The following PDE5A variants were observed in gnomAD, a reference collection of about 807,000 sequenced individuals.
PDE5A encodes the protein phosphodiesterase 5A.
Under a neutral mutation model 110.2 loss-of-function variants are expected in PDE5A, and 67 were observed. That is an observed-to-expected ratio of 0.61 (90% CI 0.50 to 0.75). The LOEUF (loss-of-function observed/expected upper bound fraction) is 0.75, where lower values mean the gene tolerates loss of function less well. Among genes scored for constraint, PDE5A ranks in the 30% least tolerant of loss-of-function variants. PDE5A has a pLI of 0.00. For synonymous variants in PDE5A, 328 were observed against 351.2 expected, an observed-to-expected ratio of 0.93 and a Z score of 0.74; for missense variants, 862 against 1,045.1, an observed-to-expected ratio of 0.82 and a Z score of 2.42.
chr4:119,616,284 T>C (rs913791252), intron 1 of PDE5A, among the ~76,000 whole-genome samples: 2 of 152,136 alleles, frequency 1.3e-5, no homozygotes, highest in African/African-American at 4.8e-5. Context: ...GATATCCTTT[T>C]CCATACGGAG....
intron 11 of PDE5A, among the ~76,000 whole-genome samples, chr4:119,528,404 C>G (rs909514449): frequency 1.3e-5 from 2 of 151,690 alleles, no homozygotes; most frequent in Admixed American, 6.6e-5. Context: ...TTGCAGTGAC[C>G]TTAAAACTAA....
chr4:119,518,976 T>TTTAAC (rs1726014262), intron 14 of PDE5A, 69 bp downstream of exon 14: 2 of 1,114,010 alleles, frequency 1.8e-6, no homozygotes, highest in Non-Finnish European at 2.7e-6. Context: ...TTGCTGTGGC[T>TTTAAC]TTAACTTAAA....
intron 1 of PDE5A, among the ~76,000 whole-genome samples, chr4:119,623,233 C>A (rs1250998547): frequency 6.6e-6 from 1 of 152,146 alleles, no homozygotes; most frequent in Non-Finnish European, 1.5e-5. Context: ...GTAATAGTGG[C>A]CAACTGAATC....
At chr4:119,581,589 T>G (rs868439818) in intron 3 of PDE5A, among the ~76,000 whole-genome samples, 5 of 152,200 alleles carry the variant, frequency 3.3e-5, no homozygotes, top group African/African-American at 1.2e-4. Flanking sequence ...TAATCATGCA[T>G]GAAAGCACAG....
At chr4:119,568,629 G>C (rs1728031842) in intron 3 of PDE5A, among the ~76,000 whole-genome samples, 1 of 152,158 alleles carries the variant, frequency 6.6e-6, no homozygotes, top group South Asian at 2.1e-4. Context: ...GCCATGGATT[G>C]CTAGGAGCAC....
chr4:119,592,487 A>G (rs1019604894), intron 3 of PDE5A, among the ~76,000 whole-genome samples: 35 of 137,038 alleles, frequency 2.6e-4, no homozygotes, highest in Non-Finnish European at 3.3e-4. Flanking sequence ...AAAAAAAAAA[A>G]GCTGTGTTCT....
chr4:119,567,239 G>T, intron 3 of PDE5A, 95 bp from the exon 4 acceptor site: 1 of 896,638 alleles, frequency 1.1e-6, no homozygotes, highest in Non-Finnish European at 1.8e-6. Context: ...TCCTGCATGT[G>T]CTTTAAAATA....
intron 16 of PDE5A, among the ~76,000 whole-genome samples, chr4:119,506,632 C>G (rs1168421974): frequency 6.6e-6 from 1 of 151,678 alleles, no homozygotes; most frequent in Admixed American, 6.6e-5. Flanking sequence ...ACCCATGTGG[C>G]CTGTAAAGCT....
intron 4 of PDE5A, among the ~76,000 whole-genome samples, chr4:119,566,362 G>A (rs928797844): frequency 2.6e-5 from 4 of 152,042 alleles, no homozygotes; most frequent in African/African-American, 4.8e-5. Flanking sequence ...AAACAGCAAT[G>A]GGCTTTGAAT....
intron 15 of PDE5A, among the ~76,000 whole-genome samples, chr4:119,509,451 A>C (rs929926216): frequency 1.3e-5 from 2 of 152,182 alleles, no homozygotes; most frequent in Admixed American, 1.3e-4. Flanking sequence ...GTCCAAAGCG[A>C]GGGAGAGAGC....
intron 11 of PDE5A, among the ~76,000 whole-genome samples, chr4:119,535,297 T>C (rs1239936996): frequency 1.3e-5 from 2 of 152,118 alleles, no homozygotes; most frequent in Non-Finnish European, 2.9e-5. Context: ...ATCCCCTTTC[T>C]ATCTAACCTA....
intron 18 of PDE5A, 42 bp from the exon 19 acceptor site, chr4:119,502,697 A>ATATGCTTT: frequency 7.8e-7 from 1 of 1,281,020 alleles, no homozygotes; most frequent in South Asian, 1.2e-5. Context: ...TGAAAAGCAT[A>ATATGCTTT]TCATTCTTTA....
intron 9 of PDE5A, chr4:119,551,929 A>T (rs2110495736): frequency 6.6e-6 from 1 of 152,290 alleles, no homozygotes; most frequent in Non-Finnish European, 1.5e-5. Context: ...TTTTCACTAC[A>T]TCAACCACGG....
At chr4:119,543,164 A>G (rs1207540719) in intron 9 of PDE5A, 1 of 152,050 alleles carries the variant, frequency 6.6e-6, no homozygotes, top group Admixed American at 6.6e-5. Flanking sequence ...TCTGTATCCA[A>G]CAGAATCAAA....
chr4:119,598,698 T>G (rs926579878), intron 2 of PDE5A, among the ~76,000 whole-genome samples: 1 of 152,316 alleles, frequency 6.6e-6, no homozygotes, highest in African/African-American at 2.4e-5. Context: ...CCATTCAACA[T>G]TCTGGCTTTC....
At chr4:119,582,424 C>T (rs1728619298) in intron 3 of PDE5A, among the ~76,000 whole-genome samples, 1 of 152,190 alleles carries the variant, frequency 6.6e-6, no homozygotes, top group Non-Finnish European at 1.5e-5. Flanking sequence ...TTACTTCCAA[C>T]AGTGATGTCT....
chr4:119,558,353 C>T (rs1234879313), intron 7 of PDE5A, among the ~76,000 whole-genome samples: 1 of 152,182 alleles, frequency 6.6e-6, no homozygotes, highest in East Asian at 1.9e-4. Context: ...GGAAAAATCT[C>T]GAATGAGCTA....
intron 1 of PDE5A, among the ~76,000 whole-genome samples, chr4:119,612,528 A>G (rs1729793575): frequency 5.9e-5 from 9 of 152,150 alleles, no homozygotes; most frequent in Admixed American, 5.9e-4. Context: ...TGCCAACACC[A>G]TGCTTCCTGT....
chr4:119,502,822 T>G (rs889713205), intron 18 of PDE5A, among the ~76,000 whole-genome samples, 167 bp from the exon 19 acceptor site: 1 of 152,210 alleles, frequency 6.6e-6, no homozygotes, highest in Non-Finnish European at 1.5e-5. Context: ...CGTGCTCTCT[T>G]AACTATTACA....
Sources: allele counts gnomAD v4.1 joint callset (sites outside exome capture counted in the v4.1 genomes callset), GRCh38; gene constraint gnomAD v4.1.1; transcripts MANE v1.5; gene names NCBI Gene and HGNC (gene_info 2026-07-23, HGNC 2026-07-21).